The following C1orf159 variants were observed in gnomAD, a reference collection of about 807,000 sequenced individuals.
The protein encoded by C1orf159 is chromosome 1 open reading frame 159.
A neutral mutation model predicts 25.6 loss-of-function variants in C1orf159; 19 were observed. The observed-to-expected ratio is 0.74, with a 90% confidence interval of 0.52 to 1.09. C1orf159 has a LOEUF of 1.09. C1orf159 is among the 50% of genes least tolerant of loss of function. The pLI, the probability that C1orf159 is intolerant of heterozygous loss-of-function variation, is 0.00. For synonymous variants in C1orf159, 139 were observed against 124.7 expected, an observed-to-expected ratio of 1.12 and a Z score of -0.77; for missense variants, 274 against 290.6, an observed-to-expected ratio of 0.94 and a Z score of 0.42.
intron 7 of C1orf159, 113 bp from the exon 8 acceptor site, chr1:1,084,619 C>A (rs1645800230): frequency 7.3e-7 from 1 of 1,361,780 alleles, no homozygotes; most frequent in East Asian, 2.5e-5. Flanking sequence ...CAGCCCAGTG[C>A]GGCGTCCTCG....
In C1orf159 at chr1:1,112,291, C is replaced by T. The variant is rs112559148; in HGVS notation, c.-136+3769G>A. 1.5e-3 allele frequency among the ~76,000 whole-genome samples: 221 copies of T among 152,340 alleles called. 1 individual carries two copies. Among genetic ancestry groups the T allele is most frequent in the African/African-American group, 4.9e-3 (205 of 41,564 alleles). ...GCGTGTGCACTGAGAGGCAAAATGG[C>T]GGCGTGTAACCGTTCTATGACCTTC... is the stretch of plus-strand genomic sequence containing the variant. On this transcript the variant is annotated intron_variant, in intron 1 of 9. Transcript: ENST00000421241.
chr1:1,082,888 C>T lies in C1orf159; in HGVS notation c.*5G>A. ...CAAGTGCGTGGCGTGGTCTCGGCCT[C>T]CAGGTCAGACATTGCTGATACGGGC... On this transcript the variant is annotated 3_prime_UTR_variant, in exon 10 of 10. Coordinates refer to ENST00000421241, the MANE Select transcript of C1orf159 (RefSeq NM_017891.5). 1 of 1,583,646 alleles carries T rather than the reference C, an allele frequency of 6.3e-7. No individual in the cohort carries two copies. The highest frequency in any genetic ancestry group is 8.6e-7 in the Non-Finnish European group (1 of 1,164,942).
intron 1 of C1orf159, among the ~76,000 whole-genome samples, chr1:1,098,740 G>C (rs1217417957): frequency 6.6e-6 from 1 of 151,906 alleles, no homozygotes; most frequent in Non-Finnish European, 1.5e-5. Context: ...GCCTCCCGAG[G>C]AGCTGGGATT....
In C1orf159 at chr1:1,084,478, T is replaced by TA. The variant is rs1645797509; in HGVS notation, c.471+2dup. 6.4e-7 allele frequency: 1 copy of TA among 1,561,478 alleles called. No individual in the cohort carries two copies. The highest frequency in any genetic ancestry group is 8.7e-7 in the Non-Finnish European group (1 of 1,153,510). ...CTCAGCCCGGATGATGTGGGTTACT[T>TA]ACGGCTTCGCCAGGCTGCAGGGCCG... On this transcript the variant is annotated splice_region_variant and intron_variant, in intron 8 of 9. Coordinates refer to ENST00000421241, the MANE Select transcript of C1orf159 (RefSeq NM_017891.5).
At position 1,082,856 on chromosome 1, in the gene C1orf159, C is replaced by T; in HGVS notation, c.*37G>A. 6.5e-7 allele frequency: 1 copy of T among 1,539,524 alleles called. No individual in the cohort carries two copies. The highest frequency in any genetic ancestry group is 8.8e-7 in the Non-Finnish European group (1 of 1,134,424). ...CGCCAAGGGGTCGGCCTCCGGGTCC[C>T]TGCCGCCAAGTGCGTGGCGTGGTCT... is the stretch of plus-strand genomic sequence containing the variant. On this transcript the variant is annotated 3_prime_UTR_variant, in exon 10 of 10. Coordinates refer to ENST00000421241, the MANE Select transcript of C1orf159 (RefSeq NM_017891.5).
intron 9 of C1orf159, chr1:1,083,857 G>A: frequency 6.9e-7 from 1 of 1,450,166 alleles, no homozygotes; most frequent in Non-Finnish European, 9.4e-7. Context: ...GAGCTGTGTG[G>A]CTGTGCGCCG....
In C1orf159 at chr1:1,084,474, T is replaced by C; in HGVS notation, c.471+7A>G. 6.4e-7 allele frequency: 1 copy of C among 1,563,776 alleles called. No individual in the cohort carries two copies. The highest frequency in any genetic ancestry group is 8.7e-7 in the Non-Finnish European group (1 of 1,154,864). On this transcript the variant is annotated splice_region_variant and intron_variant, in intron 8 of 9. Transcript: ENST00000421241. ...GACGCTCAGCCCGGATGATGTGGGT[T>C]ACTTACGGCTTCGCCAGGCTGCAGG...
chr1:1,084,848 AG>A (rs1206463248), intron 7 of C1orf159, among the ~76,000 whole-genome samples: 1 of 152,056 alleles, frequency 6.6e-6, no homozygotes, highest in Non-Finnish European at 1.5e-5. Context: ...CCAGGGTCCC[AG>A]GGGAAGGGCT....
Position 1,087,667 on chromosome 1 carries a change from T to C in C1orf159, c.149-70A>G. 1.7e-6 allele frequency: 2 copies of C among 1,152,906 alleles called. No individual in the cohort carries two copies. Among genetic ancestry groups the C allele is most frequent in the Non-Finnish European group, 2.5e-6 (2 of 809,856 alleles). 71.4% of individuals were successfully genotyped at this position (1,152,906 alleles called of 1,614,324 possible). ...CACCAGCTGGGTCTCCTGGGAATGA[T>C]TCTCTATTTGAGTTGGTGAGATAAC... is the stretch of plus-strand genomic sequence containing the variant. On this transcript the variant is annotated intron_variant, in intron 4 of 9. Coordinates refer to ENST00000421241, the MANE Select transcript of C1orf159 (RefSeq NM_017891.5). The surrounding 1 kb of genome is among the most constrained non-coding windows in gnomAD (Gnocchi z 8.3).
intron 3 of C1orf159, 116 bp from the exon 4 acceptor site, chr1:1,090,544 C>G: frequency 8.9e-7 from 1 of 1,119,054 alleles, no homozygotes; most frequent in Non-Finnish European, 1.3e-6. Context: ...CAGCTCCGGC[C>G]TCTTCTGGAG....
In C1orf159 at chr1:1,110,225, C is replaced by T. The variant is rs1167318841; in HGVS notation, c.-136+5835G>A. ...AACTGAAAAAGGGTGGCAGTATAACCAGGTGTGTCCAACCTCCCATCCTTT... is the reference window on the plus strand; with the variant it reads ...AACTGAAAAAGGGTGGCAGTATAACTAGGTGTGTCCAACCTCCCATCCTTT... On this transcript the variant is annotated intron_variant, in intron 1 of 9. Coordinates refer to ENST00000421241, the MANE Select transcript of C1orf159 (RefSeq NM_017891.5). The surrounding 1 kb of genome is among the most constrained non-coding windows in gnomAD (Gnocchi z 4.8). Among the ~76,000 whole-genome samples, 1 of 152,156 alleles carries T rather than the reference C, an allele frequency of 6.6e-6. No individual in the cohort carries two copies. The highest frequency in any genetic ancestry group is 2.1e-4 in the South Asian group (1 of 4,822).
chr1:1,098,195 G>A (rs760666460), intron 1 of C1orf159, among the ~76,000 whole-genome samples: 9 of 151,792 alleles, frequency 5.9e-5, no homozygotes, highest in African/African-American at 1.9e-4. Flanking sequence ...CCAGCCGCCC[G>A]AGTAGCTGGG....
At position 1,110,020 on chromosome 1, in the gene C1orf159, G is replaced by A. The variant is rs534853208; in HGVS notation, c.-136+6040C>T. On this transcript the variant is annotated intron_variant, in intron 1 of 9. Coordinates refer to ENST00000421241, the MANE Select transcript of C1orf159 (RefSeq NM_017891.5). This position sits in a 1 kb window ranked among gnomAD's most constrained non-coding sequence, Gnocchi z 4.8. ...TCCATACCGCTTGTCTCAGGCCAGT[G>A]CCTGCTTAACTGCTAGAGGAAAAGA... Among the ~76,000 whole-genome samples, 3 of 152,334 alleles carry A rather than the reference G, an allele frequency of 2.0e-5. No individual in the cohort carries two copies. The South Asian group carries it at 6.2e-4, about 32-fold the overall frequency.
intron 1 of C1orf159, among the ~76,000 whole-genome samples, chr1:1,103,232 G>A (rs555911227): frequency 1.8e-4 from 27 of 152,278 alleles, no homozygotes; most frequent in African/African-American, 2.2e-4. Context: ...TTCATTATGC[G>A]TGCATTTCCC....
intron 3 of C1orf159, 194 bp downstream of exon 3, chr1:1,091,278 C>A (rs533456838): frequency 7.3e-6 from 5 of 688,322 alleles, no homozygotes; most frequent in Middle Eastern, 5.8e-4. Flanking sequence ...AGGCGCTCAC[C>A]CAGCAGGCAG....
At chr1:1,112,860 T>A (rs1349331406) in intron 1 of C1orf159, among the ~76,000 whole-genome samples, 1 of 152,276 alleles carries the variant, frequency 6.6e-6, no homozygotes, top group Non-Finnish European at 1.5e-5. Flanking sequence ...CTTTCCTTCC[T>A]GCTCTAAAGC....
At chr1:1,085,208 A>G in intron 7 of C1orf159, 1 of 384,064 alleles carries the variant, frequency 2.6e-6, no homozygotes, top group Non-Finnish European at 5.4e-6. Flanking sequence ...GAGACCTGGG[A>G]GGAGGCCCCA....
At chr1:1,091,421 T>TCCACAGGGGGCCCA in intron 3 of C1orf159, 51 bp downstream of exon 3, 3 of 1,479,914 alleles carry the variant, frequency 2.0e-6, no homozygotes, top group Non-Finnish European at 2.8e-6. Context: ...CCCACCGCCC[T>TCCACAGGGGGCCCA]CCACAGAGGC....
At chr1:1,102,283 T>C (rs1646112280) in intron 1 of C1orf159, among the ~76,000 whole-genome samples, 1 of 151,902 alleles carries the variant, frequency 6.6e-6, no homozygotes, top group African/African-American at 2.4e-5. Context: ...TTAGACATGT[T>C]GATATCACCT....
Sources: gnomAD v4.1 joint callset for allele counts (sites outside exome capture counted in the v4.1 genomes callset) on GRCh38, gnomAD v4.1.1 for gene constraint, Gnocchi (gnomAD v3.1) non-coding constraint, MANE v1.5 for transcripts, NCBI Gene and HGNC (gene_info 2026-07-23, HGNC 2026-07-21) for gene names.